DNAJC10: variants seen among roughly 807,000 people sequenced by gnomAD.
The protein encoded by DNAJC10 is endoplasmic reticulum disulfide reductase DNAJC10.
In DNAJC10, 101 loss-of-function variants were observed where a neutral mutation model predicts 115.0. The observed-to-expected ratio is 0.88, with a 90% CI of 0.75 to 1.04. DNAJC10 has a LOEUF of 1.04. Ranked by LOEUF, DNAJC10 falls within the 50% of genes least tolerant of loss-of-function variation. The probability of loss-of-function intolerance (pLI) is 0.00; values close to 1 mark genes in which losing one functional copy is unlikely to be tolerated. For synonymous variants in DNAJC10, 307 were observed against 301.5 expected (o/e 1.02, Z -0.19); for missense variants, 981 against 928.8 (o/e 1.06, Z -0.73).
rs891970432 is a variant in DNAJC10, at chr2:182,792,894, G to A, written c.*15762G>A. On this transcript the variant is annotated 3_prime_UTR_variant, in exon 24 of 24. Coordinates refer to ENST00000264065, the MANE Select transcript of DNAJC10 (RefSeq NM_018981.4). ...ACCTCATGAAGATTCTATTCTCGCA[G>A]TGGGGAGATAGACAATAAACAATTA... The A allele has an allele frequency of 6.6e-6, 1 of 152,192 alleles. No homozygotes were observed. The highest frequency in any genetic ancestry group is 2.1e-4 in the South Asian group (1 of 4,832). 9.4% of individuals were successfully genotyped at this position (152,192 alleles called of 1,614,324 possible). A position where few individuals can be genotyped will look rare whatever the true frequency, so the allele number is the denominator to read the frequency against.
At chr2:182,767,070 A>G (rs948883831) in intron 22 of DNAJC10, among the ~76,000 whole-genome samples, 2 of 152,114 alleles carry the variant, frequency 1.3e-5, no homozygotes, top group African/African-American at 4.8e-5. Context: ...CTCACTAGAA[A>G]AAATCTCTTC....
chr2:182,790,491 A>G lies in DNAJC10; in HGVS notation c.*13359A>G, dbSNP rs985731316. On this transcript the variant is annotated 3_prime_UTR_variant, in exon 24 of 24. Transcript: ENST00000264065. ...TGAAGCACCTTTTCCCTTTTCTAAAATTCAATAGTAAGGGCCAGGCACAGT... is the reference window on the plus strand; with the variant it reads ...TGAAGCACCTTTTCCCTTTTCTAAAGTTCAATAGTAAGGGCCAGGCACAGT... The G allele has an allele frequency of 5.3e-5, 8 of 152,164 alleles. No homozygotes were observed. Among genetic ancestry groups the G allele is most frequent in the African/African-American group, 1.9e-4 (8 of 41,440 alleles). 9.4% of individuals were successfully genotyped at this position (152,164 alleles called of 1,614,324 possible).
intron 21 of DNAJC10, among the ~76,000 whole-genome samples, chr2:182,762,314 G>A (rs1454915610): frequency 6.6e-6 from 1 of 152,062 alleles, no homozygotes; most frequent in Non-Finnish European, 1.5e-5. Flanking sequence ...CAGCCTTCAC[G>A]AGACAAAGAG....
chr2:182,766,413 T>G (rs2105695696), intron 22 of DNAJC10, among the ~76,000 whole-genome samples: 2 of 152,288 alleles, frequency 1.3e-5, no homozygotes, highest in Middle Eastern at 6.8e-3. Context: ...AGGGGTTCAT[T>G]AGTAATGCCC....
At chr2:182,742,868 G>A (rs887238953) in intron 13 of DNAJC10, among the ~76,000 whole-genome samples, 1 of 150,114 alleles carries the variant, frequency 6.7e-6, no homozygotes, top group Non-Finnish European at 1.5e-5. Flanking sequence ...TTTTAATGCA[G>A]TGTAGTGTCA....
In DNAJC10 at chr2:182,762,740, G is replaced by A; in HGVS notation, c.2204G>A (p.Cys735Tyr). 3 of 1,612,658 alleles carry A rather than the reference G, an allele frequency of 1.9e-6. No individual in the cohort carries two copies. The highest frequency in any genetic ancestry group is 2.5e-6 in the Non-Finnish European group (3 of 1,178,964). Residue 735 changes from cysteine to tyrosine, a missense_variant, in exon 22 of 24, where the codon TGC (cysteine) becomes TAC (tyrosine). By Grantham distance (194) the Cys-to-Tyr change is radical. Transcript: ENST00000264065. ...KVDCQAYAQT[C>Y]QKAGIRAYPT... ...GACTGTCAGGCTTATGCTCAGACAT[G>A]CCAGAAAGCTGGGATCAGGGCCTAT...
chr2:182,764,195 G>C (rs1382688573), intron 22 of DNAJC10, among the ~76,000 whole-genome samples: 1 of 152,126 alleles, frequency 6.6e-6, no homozygotes, highest in East Asian at 1.9e-4. Context: ...AATGCCTGCT[G>C]CTGATCCCCT....
chr2:182,793,016 G>A lies in DNAJC10; in HGVS notation c.*15884G>A, dbSNP rs1695080160. 6.6e-6 allele frequency: 1 copy of A among 152,224 alleles called. No individual in the cohort carries two copies. Among genetic ancestry groups the A allele is most frequent in the Non-Finnish European group, 1.5e-5 (1 of 68,064 alleles). The allele number at this position is 152,224 out of a possible 1,614,324, so 9.4% of individuals were successfully genotyped here. A position where few individuals can be genotyped will look rare whatever the true frequency, so the allele number is the denominator to read the frequency against. ...AGGGTATGAGGGATTAGGAGTGTGG[G>A]GGCAGCAGCAGGAGAGTTTCGGTAT... On this transcript the variant is annotated 3_prime_UTR_variant, in exon 24 of 24. Coordinates refer to ENST00000264065, the MANE Select transcript of DNAJC10 (RefSeq NM_018981.4).
In DNAJC10 at chr2:182,757,813, CTTATCA is replaced by C. The variant is rs777303891; in HGVS notation, c.1938_1943del (p.Tyr647_His648del). Reference sequence around the variant, plus strand: ...TTTTTTCCCCCAAAATCAAATAAAGCTTATCATTATCAGTAAGTATTCTCTCATATT... The same window carrying C: ...TTTTTTCCCCCAAAATCAAATAAAGCTTATCAGTAAGTATTCTCTCATATT... On this transcript the variant is annotated inframe_deletion, in exon 19 of 24. Coordinates refer to ENST00000264065, the MANE Select transcript of DNAJC10 (RefSeq NM_018981.4). 11 of 1,493,550 alleles carry C rather than the reference CTTATCA, an allele frequency of 7.4e-6. No individual in the cohort carries two copies. The highest frequency in any genetic ancestry group is 1.2e-5 in the South Asian group (1 of 85,232). 92.5% of individuals were successfully genotyped at this position (1,493,550 alleles called of 1,614,324 possible).
In DNAJC10 at chr2:182,779,995, TAAG is replaced by T. The variant is rs747926019; in HGVS notation, c.*2866_*2868del. On this transcript the variant is annotated 3_prime_UTR_variant, in exon 24 of 24. Coordinates refer to ENST00000264065, the MANE Select transcript of DNAJC10 (RefSeq NM_018981.4). ...GGCACATTTATTCCATTGTGACTGT[TAAG>T]AAATAATAAAAGATTAAATTAACAA... 6.6e-6 allele frequency: 1 copy of T among 152,198 alleles called. No homozygotes were observed. The highest frequency in any genetic ancestry group is 2.4e-5 in the African/African-American group (1 of 41,450). 9.4% of individuals were successfully genotyped at this position (152,198 alleles called of 1,614,324 possible).
At chr2:182,730,985 GA>G in intron 8 of DNAJC10, 44 bp from the exon 9 acceptor site, 1 of 1,298,466 alleles carries the variant, frequency 7.7e-7, no homozygotes, top group Non-Finnish European at 1.1e-6. Context: ...ATTAGTAAAG[GA>G]GTAATAGGTG....
chr2:182,739,774 T>A, intron 11 of DNAJC10: 3 of 998,310 alleles, frequency 3.0e-6, no homozygotes, highest in Non-Finnish European at 3.6e-6. Context: ...ACCTCTATAA[T>A]GAGCAAAAGT....
intron 17 of DNAJC10, 129 bp downstream of exon 17, chr2:182,755,233 T>C: frequency 1.6e-6 from 1 of 644,990 alleles, no homozygotes; most frequent in Non-Finnish European, 2.7e-6. Flanking sequence ...AAAATGATTT[T>C]TAAAGAATTT....
rs1694545737 is a variant in DNAJC10 at position 182,770,982 on chromosome 2, A to G, written c.2266-4334A>G. ...CTCTTATTATTTTGAGATACATTCC[A>G]TCAGTACCTAGTTTATTGAGTTTTT... On this transcript the variant is annotated intron_variant, in intron 22 of 23. Coordinates refer to ENST00000264065, the MANE Select transcript of DNAJC10 (RefSeq NM_018981.4). Among the ~76,000 whole-genome samples the G allele has an allele frequency of 2.0e-5, 3 of 152,194 alleles. No homozygotes were observed. In the South Asian group the frequency reaches 6.2e-4, roughly 31 times the overall value.
chr2:182,750,368 G>C (rs764056187), intron 14 of DNAJC10, among the ~76,000 whole-genome samples: 6 of 152,090 alleles, frequency 3.9e-5, no homozygotes, highest in Non-Finnish European at 8.8e-5. Flanking sequence ...GGAATGGATA[G>C]AATTATTATG....
At chr2:182,723,056 T>TC (rs1267936235) in intron 5 of DNAJC10, among the ~76,000 whole-genome samples, 1 of 149,322 alleles carries the variant, frequency 6.7e-6, no homozygotes, top group Non-Finnish European at 1.5e-5. Flanking sequence ...TTTTTTTTTT[T>TC]TGAGACGGAG....
chr2:182,743,618 C>T lies in DNAJC10; in HGVS notation c.1212C>T (p.Ser404=). 1 of 1,613,146 alleles carries T rather than the reference C, an allele frequency of 6.2e-7. No individual in the cohort carries two copies. The highest frequency in any genetic ancestry group is 8.5e-7 in the Non-Finnish European group (1 of 1,179,522). ...TTTAGGTTGGCAGGTTTGACTGTTC[C>T]TCTGCACCAGACATCTGTAGTAATC... ...DHIQVGRFDC[S]SAPDICSNLY... The change falls in exon 14 of 24, where the codon TCC becomes TCT. Residue 404 remains serine, a synonymous_variant. Transcript: ENST00000264065.
At chr2:182,717,434 A>G (rs890991950) in intron 2 of DNAJC10, among the ~76,000 whole-genome samples, 1 of 151,744 alleles carries the variant, frequency 6.6e-6, no homozygotes, top group African/African-American at 2.4e-5. Flanking sequence ...TAGATTGTCT[A>G]TTATAACAAT....
intron 14 of DNAJC10, among the ~76,000 whole-genome samples, chr2:182,748,509 T>C (rs1693930080): frequency 6.6e-6 from 1 of 152,256 alleles, no homozygotes; most frequent in Non-Finnish European, 1.5e-5. Flanking sequence ...TTTTCTAGTT[T>C]ATTTGCGTAG....
Sources: allele counts gnomAD v4.1 joint callset (sites outside exome capture counted in the v4.1 genomes callset), GRCh38; gene constraint gnomAD v4.1.1; transcripts MANE v1.5; gene names NCBI Gene and HGNC (gene_info 2026-07-23, HGNC 2026-07-21).